The following SYNPR variants were observed in gnomAD, a reference collection of about 807,000 sequenced individuals.
SYNPR encodes synaptoporin.
In SYNPR, 23 loss-of-function variants were observed where a neutral mutation model predicts 32.9. The observed-to-expected ratio is 0.70, with a 90% CI of 0.50 to 0.99. SYNPR has a LOEUF of 0.99. Ranked by LOEUF, SYNPR falls within the 50% of genes least tolerant of loss-of-function variation. The pLI, the probability that SYNPR is intolerant of heterozygous loss-of-function variation, is 0.00. For missense variants in SYNPR, 318 were observed against 349.3 expected (o/e 0.91, Z 0.71); for synonymous variants, 146 against 135.9 (o/e 1.07, Z -0.52).
At chr3:63,439,772 C>A (rs1700137511) in intron 2 of SYNPR, among the ~76,000 whole-genome samples, 1 of 152,130 alleles carries the variant, frequency 6.6e-6, no homozygotes, top group Admixed American at 6.5e-5. Flanking sequence ...ATGAATGAAT[C>A]AATTGCCCTT....
At chr3:63,259,198 C>T (rs185447757) in intron 2 of SYNPR, among the ~76,000 whole-genome samples, 6 of 152,052 alleles carry the variant, frequency 3.9e-5, no homozygotes, top group African/African-American at 7.2e-5. Flanking sequence ...CAGAAAAAGA[C>T]GGAATCCTCC....
At chr3:63,598,149 A>G (rs1699988294) in intron 4 of SYNPR, among the ~76,000 whole-genome samples, 1 of 152,224 alleles carries the variant, frequency 6.6e-6, no homozygotes, top group Non-Finnish European at 1.5e-5. Flanking sequence ...GGATTAAAAT[A>G]TTGGTTATAT....
At chr3:63,304,025 A>G (rs552035174) in intron 2 of SYNPR, among the ~76,000 whole-genome samples, 1 of 152,146 alleles carries the variant, frequency 6.6e-6, no homozygotes, top group South Asian at 2.1e-4. Context: ...ACCTTGAGAC[A>G]TCACATGAAT....
At chr3:63,372,828 A>C (rs1267751491) in intron 2 of SYNPR, among the ~76,000 whole-genome samples, 1 of 152,188 alleles carries the variant, frequency 6.6e-6, no homozygotes, top group Admixed American at 6.5e-5. Flanking sequence ...TGAGTGGGAG[A>C]GGAGCCCACA....
chr3:63,489,767 GA>G (rs1210070120), intron 3 of SYNPR, among the ~76,000 whole-genome samples: 1 of 152,168 alleles, frequency 6.6e-6, no homozygotes, highest in Non-Finnish European at 1.5e-5. Context: ...TTTCTATGAA[GA>G]AAATGAATAT....
chr3:63,491,623 T>C (rs983762862), intron 3 of SYNPR, among the ~76,000 whole-genome samples: 2 of 152,110 alleles, frequency 1.3e-5, no homozygotes, highest in Non-Finnish European at 2.9e-5. Context: ...TGGGTTCAAG[T>C]GATTCTCGTG....
At position 63,371,215 on chromosome 3, in the gene SYNPR, A is replaced by G. The variant is rs1044787709; in HGVS notation, c.84+92473A>G. Among the ~76,000 whole-genome samples, 15 of 152,126 alleles carry G rather than the reference A, an allele frequency of 9.9e-5. No individual in the cohort carries two copies. In the South Asian group the frequency reaches 3.1e-3, roughly 32 times the overall value. ...CATGGACTTTTGCAACCCTGGGCTC[A>G]GGAGATCCCCCTGTGAGCCCACCCC... On this transcript the variant is annotated intron_variant, in intron 2 of 5. Coordinates refer to ENST00000478300, the MANE Select transcript of SYNPR (RefSeq NM_001130003.2).
At chr3:63,591,107 C>T (rs913976350) in intron 4 of SYNPR, among the ~76,000 whole-genome samples, 17 of 150,378 alleles carry the variant, frequency 1.1e-4, no homozygotes, top group African/African-American at 2.9e-4. Context: ...AACAAATTTA[C>T]GAGAAAAAAA....
chr3:63,210,142 G>T, the SYNPR span, among the ~76,000 whole-genome samples: 8 of 152,092 alleles, frequency 5.3e-5, no homozygotes, highest in Non-Finnish European at 8.8e-5. Flanking sequence ...TAATTAGAGA[G>T]ATTCAATTCA....
chr3:63,596,542 C>T (rs1161803394), intron 4 of SYNPR, among the ~76,000 whole-genome samples: 1 of 152,020 alleles, frequency 6.6e-6, no homozygotes, highest in African/African-American at 2.4e-5. Context: ...CTGTGGGCCG[C>T]CCACCTCCTT....
chr3:63,260,177 A>G (rs1028462317), intron 2 of SYNPR, among the ~76,000 whole-genome samples: 1 of 152,234 alleles, frequency 6.6e-6, no homozygotes, highest in African/African-American at 2.4e-5. Flanking sequence ...TGCAATCTCC[A>G]TCAAGCTACC....
In SYNPR at chr3:63,257,674, A is replaced by C. The variant is rs550579613; in HGVS notation, n.154+5088A>C. On this transcript the variant is annotated intron_variant and non_coding_transcript_variant, in intron 2 of 4. Coordinates refer to the SYNPR transcript ENST00000478456. ...AACTGCATCAACTAATGAGCAAAATAACCAGCTAACATCATAATGACAGGA... is the reference window on the plus strand; with the variant it reads ...AACTGCATCAACTAATGAGCAAAATCACCAGCTAACATCATAATGACAGGA... 5.2e-4 allele frequency among the ~76,000 whole-genome samples: 79 copies of C among 152,234 alleles called. 1 individual carries two copies. The South Asian group carries it at 0.013, about 26-fold the overall frequency.
At chr3:63,391,643 C>T (rs2088138161) in intron 2 of SYNPR, among the ~76,000 whole-genome samples, 1 of 152,150 alleles carries the variant, frequency 6.6e-6, no homozygotes, top group South Asian at 2.1e-4. Context: ...AGGTATAATA[C>T]ATACCTATTG....
chr3:63,228,238 G>A (rs1414175599), upstream of SYNPR: 2 of 152,164 alleles, frequency 1.3e-5, no homozygotes, highest in Non-Finnish European at 2.9e-5. Context: ...ATAAACCCAT[G>A]CTGCTTAAGA....
chr3:63,367,664 A>G (rs542454406), intron 2 of SYNPR, among the ~76,000 whole-genome samples: 1 of 152,148 alleles, frequency 6.6e-6, no homozygotes, highest in Non-Finnish European at 1.5e-5. Flanking sequence ...CTGGCCTTGA[A>G]TTATAATTTA....
intron 2 of SYNPR, among the ~76,000 whole-genome samples, chr3:63,304,530 C>T (rs982753972): frequency 2.0e-5 from 3 of 151,948 alleles, no homozygotes; most frequent in Non-Finnish European, 4.4e-5. Flanking sequence ...ATGCTACAAC[C>T]TTTCATTTCT....
intron 2 of SYNPR, among the ~76,000 whole-genome samples, chr3:63,318,852 G>A (rs934265210): frequency 2.6e-5 from 4 of 151,962 alleles, no homozygotes; most frequent in Non-Finnish European, 5.9e-5. Context: ...CATATTACCG[G>A]GGTTGGTTTT....
intron 2 of SYNPR, among the ~76,000 whole-genome samples, chr3:63,374,093 A>C (rs2087853030): frequency 6.6e-6 from 1 of 152,236 alleles, no homozygotes; most frequent in Non-Finnish European, 1.5e-5. Context: ...AAATATGGAA[A>C]GGAAAGGCCA....
At chr3:63,229,984 G>A (rs1278203960) in intron 1 of SYNPR, among the ~76,000 whole-genome samples, 2 of 152,068 alleles carry the variant, frequency 1.3e-5, no homozygotes, top group African/African-American at 2.4e-5. Flanking sequence ...GTACTACCTA[G>A]AATCAACTCA....
Sources: gnomAD v4.1 joint callset for allele counts (sites outside exome capture counted in the v4.1 genomes callset) on GRCh38, gnomAD v4.1.1 for gene constraint, MANE v1.5 for transcripts, NCBI Gene and HGNC (gene_info 2026-07-23, HGNC 2026-07-21) for gene names.